AFF4: variants seen among roughly 807,000 people sequenced by gnomAD.
The protein encoded by AFF4 is AF4/FMR2 family member 4.
In AFF4, 13 loss-of-function variants were observed where a neutral mutation model predicts 124.8. The ratio of observed to expected loss-of-function variants is 0.10; its 90% CI spans 0.07 to 0.17. The LOEUF (loss-of-function observed/expected upper bound fraction) is 0.17. Among genes scored for constraint, AFF4 ranks in the 10% least tolerant of loss-of-function variants. AFF4 has a pLI of 1.00. For missense variants in AFF4, 1,092 were observed against 1,403.8 expected, an observed-to-expected ratio of 0.78 and a Z score of 3.55; for synonymous variants, 477 against 496.1, an observed-to-expected ratio of 0.96 and a Z score of 0.51.
chr5:132,915,357 G>T (rs1287433926), intron 5 of AFF4, among the ~76,000 whole-genome samples: 1 of 151,198 alleles, frequency 6.6e-6, no homozygotes, highest in Non-Finnish European at 1.5e-5. Flanking sequence ...AAAGAAAAAA[G>T]AAAAAATACC....
intron 5 of AFF4, among the ~76,000 whole-genome samples, chr5:132,908,301 C>G (rs967351201): frequency 4.6e-5 from 7 of 151,974 alleles, no homozygotes; most frequent in African/African-American, 1.7e-4. Context: ...GACAACAAAA[C>G]CTTTCTTACA....
intron 1 of AFF4, among the ~76,000 whole-genome samples, chr5:132,944,817 C>G (rs1485352184): frequency 1.3e-5 from 2 of 151,376 alleles, no homozygotes; most frequent in Non-Finnish European, 2.9e-5. Context: ...GTAATCCCAG[C>G]TACTTGAGAG....
At chr5:132,961,114 A>T (rs893654606) in intron 1 of AFF4, among the ~76,000 whole-genome samples, 1 of 152,040 alleles carries the variant, frequency 6.6e-6, no homozygotes. Flanking sequence ...AATCCCAACT[A>T]CTCAGGAGGC....
At position 132,883,416 on chromosome 5, in the gene AFF4, A is replaced by G; in HGVS notation, c.3288T>C (p.Tyr1096=). The change falls in exon 20 of 21, where the codon TAT becomes TAC. Residue 1096 remains tyrosine (Y), a synonymous_variant. Transcript: ENST00000265343. ...PQKIHQMAAS[Y]VQVTSNFLYA... ...AGAGGAAGTTGGATGTGACCTGAACATAGCTGGCTGCCATCTGGTGGATCT... is the reference window on the plus strand; with the variant it reads ...AGAGGAAGTTGGATGTGACCTGAACGTAGCTGGCTGCCATCTGGTGGATCT... 6.2e-7 allele frequency: 1 copy of G among 1,614,132 alleles called. No homozygotes were observed. Among genetic ancestry groups the G allele is most frequent in the Non-Finnish European group, 8.5e-7 (1 of 1,180,028 alleles).
rs1291647820 is a variant in AFF4, at chr5:132,878,989, C to T, written c.*2070G>A. 1 of 221,890 alleles carries T rather than the reference C, an allele frequency of 4.5e-6. No homozygotes were observed. Among genetic ancestry groups the T allele is most frequent in the South Asian group, 1.8e-4 (1 of 5,444 alleles). 13.7% of individuals were successfully genotyped at this position (221,890 alleles called of 1,614,324 possible). On this transcript the variant is annotated 3_prime_UTR_variant, in exon 21 of 21. Coordinates refer to ENST00000265343, the MANE Select transcript of AFF4 (RefSeq NM_014423.4). ...GACATAACATGTATTTGATTAACAA[C>T]CATTATTTCTTACTAAATAACTATC...
chr5:132,912,881 A>G (rs1760826232), intron 5 of AFF4, among the ~76,000 whole-genome samples: 1 of 151,706 alleles, frequency 6.6e-6, no homozygotes, highest in Admixed American at 6.6e-5. Context: ...ACACACACAC[A>G]CAAAAGGGCT....
At chr5:132,961,884 TC>T (rs1328948573) in intron 1 of AFF4, among the ~76,000 whole-genome samples, 1 of 152,192 alleles carries the variant, frequency 6.6e-6, no homozygotes, top group African/African-American at 2.4e-5. Flanking sequence ...TTTGACTGCT[TC>T]CAGGTTTTTA....
At chr5:132,912,607 T>C (rs1390728598) in intron 5 of AFF4, among the ~76,000 whole-genome samples, 1 of 152,058 alleles carries the variant, frequency 6.6e-6, no homozygotes, top group Non-Finnish European at 1.5e-5. Context: ...GTGATCCTCC[T>C]TCCTCGGACT....
Position 132,934,162 on chromosome 5 carries a change from A to T in AFF4, c.903T>A (p.Pro301=), listed in dbSNP as rs2150098168. 1 of 1,612,770 alleles carries T rather than the reference A, an allele frequency of 6.2e-7. No homozygotes were observed. The highest frequency in any genetic ancestry group is 1.7e-4 in the Middle Eastern group (1 of 6,050). The part of the protein sequence containing the change: ...SKAHLTKLKI[P]SQPLDASASG... ...TGTGACTTACATCCAGTGGTTGGGA[A>T]GGTATTTTCAGCTTGGTGAGATGTG... Residue 301 remains proline (P), a synonymous_variant, in exon 3 of 21, where the codon CCT becomes CCA. Transcript: ENST00000265343.
In AFF4 at chr5:132,953,432, TAG is replaced by T. The variant is rs562294960; in HGVS notation, c.-5+9825_-5+9826del. Among the ~76,000 whole-genome samples, 195 of 152,010 alleles carry T rather than the reference TAG, an allele frequency of 1.3e-3. 3 individuals carry two copies. The highest frequency in any genetic ancestry group is 4.5e-3 in the African/African-American group (186 of 41,470). ...ATTTTTTTTTCTTTTCAATTTTTTG[TAG>T]AGACAAGATCTCACTATGTTGCCCA... On this transcript the variant is annotated intron_variant, in intron 1 of 20. Transcript: ENST00000265343.
intron 5 of AFF4, among the ~76,000 whole-genome samples, chr5:132,917,501 C>T (rs1379945939): frequency 8.6e-5 from 13 of 152,000 alleles, no homozygotes; most frequent in Admixed American, 8.5e-4. Context: ...CAACATCATA[C>T]TAGAGATTCT....
intron 1 of AFF4, among the ~76,000 whole-genome samples, chr5:132,954,640 C>T (rs1394545206): frequency 1.3e-5 from 2 of 150,382 alleles, no homozygotes; most frequent in South Asian, 2.1e-4. Flanking sequence ...CTCCGCCTCC[C>T]GGGTTCACGC....
intron 1 of AFF4, 140 bp from the exon 2 acceptor site, chr5:132,937,333 G>C (rs990416124): frequency 9.5e-7 from 1 of 1,053,702 alleles, no homozygotes; most frequent in Admixed American, 3.0e-5. Context: ...TGCTGAAGCT[G>C]GGTTTTGGTA....
intron 2 of AFF4, among the ~76,000 whole-genome samples, chr5:132,936,041 G>A (rs374088345): frequency 6.6e-6 from 1 of 151,906 alleles, no homozygotes; most frequent in Non-Finnish European, 1.5e-5. Flanking sequence ...GCTGAGGCGG[G>A]CGGATCATGA....
chr5:132,944,599 G>A (rs1223300709), intron 1 of AFF4, among the ~76,000 whole-genome samples: 1 of 151,572 alleles, frequency 6.6e-6, no homozygotes, highest in Non-Finnish European at 1.5e-5. Context: ...ATGAGTCAAG[G>A]TAGTATCACT....
intron 4 of AFF4, among the ~76,000 whole-genome samples, chr5:132,928,121 C>A (rs979398263): frequency 6.6e-6 from 1 of 151,752 alleles, no homozygotes; most frequent in Non-Finnish European, 1.5e-5. Flanking sequence ...TAAAGATATA[C>A]GTATAAGGGG....
rs180992012 is a variant in AFF4, at chr5:132,949,973, T to G, written c.-4-12780A>C. Reference sequence around the variant, plus strand: ...AGGAGTTTGAGGCTGCAGTGAGCTATGTTTGTGCCACTGCACTCCAGCATG... The same window carrying G: ...AGGAGTTTGAGGCTGCAGTGAGCTAGGTTTGTGCCACTGCACTCCAGCATG... On this transcript the variant is annotated intron_variant, in intron 1 of 20. Coordinates refer to ENST00000265343, the MANE Select transcript of AFF4 (RefSeq NM_014423.4). Among the ~76,000 whole-genome samples the G allele has an allele frequency of 2.6e-5, 4 of 152,024 alleles. No individual in the cohort carries two copies. The East Asian group carries it at 7.8e-4, about 30-fold the overall frequency.
At chr5:132,891,321 AAATAT>A (rs1215138574) in intron 13 of AFF4, among the ~76,000 whole-genome samples, 1 of 152,198 alleles carries the variant, frequency 6.6e-6, no homozygotes, top group African/African-American at 2.4e-5. Flanking sequence ...ACCAGTTAAT[AAATAT>A]AATAGCTTTA....
chr5:132,934,854 T>G lies in AFF4; in HGVS notation c.211A>C (p.Ile71Leu). Residue 71 changes from isoleucine to leucine, a missense_variant, in exon 3 of 21, where the codon ATA (isoleucine) becomes CTA (leucine). Physicochemically the swap from Ile to Leu is conservative, Grantham distance 5. Around this residue, in one of 11 missense-constraint regions of AFF4, gnomAD observed 35 missense variants for 70.9 expected, o/e 0.49. Coordinates refer to ENST00000265343, the MANE Select transcript of AFF4 (RefSeq NM_014423.4). ...TTGGGAATTGCAACAAGCTTTGGTA[T>G]AGATCTGTCTCCTATGAAATCCTTC... The part of the protein sequence containing the change: ...EMKDFIGDRS[I>L]PKLVAIPKPT... 6.2e-7 allele frequency: 1 copy of G among 1,614,164 alleles called. No individual in the cohort carries two copies. Among genetic ancestry groups the G allele is most frequent in the Middle Eastern group, 1.6e-4 (1 of 6,062 alleles).
Sources: allele counts gnomAD v4.1 joint callset (sites outside exome capture counted in the v4.1 genomes callset), GRCh38; gene constraint gnomAD v4.1.1; regional missense constraint gnomAD v4.1.1; transcripts MANE v1.5; gene names NCBI Gene and HGNC (gene_info 2026-07-23, HGNC 2026-07-21).